The following HDAC9 variants were observed in gnomAD, a reference collection of about 807,000 sequenced individuals.
HDAC9 encodes histone deacetylase 9.
HDAC9 carries 41 observed loss-of-function variants against 139.4 expected under a neutral mutation model. The observed-to-expected ratio is 0.29, with a 90% CI of 0.23 to 0.38. The LOEUF (loss-of-function observed/expected upper bound fraction) is 0.38, where lower values mean the gene tolerates loss of function less well. Ranked by LOEUF, HDAC9 falls within the 10% of genes least tolerant of loss-of-function variation. The pLI is 1.00. For synonymous variants in HDAC9, 517 were observed against 476.2 expected (o/e 1.09, Z -1.12); for missense variants, 1,147 against 1,297.0 (o/e 0.88, Z 1.78).
At chr7:18,333,061 CTT>C (rs1781317587) in intron 1 of HDAC9, among the ~76,000 whole-genome samples, 1 of 151,452 alleles carries the variant, frequency 6.6e-6, no homozygotes, top group Non-Finnish European at 1.5e-5. Flanking sequence ...AAAAGATACT[CTT>C]TATACTGTAT....
chr7:18,115,930 T>G (rs1419256286), intron 1 of HDAC9, among the ~76,000 whole-genome samples: 1 of 152,244 alleles, frequency 6.6e-6, no homozygotes, highest in Non-Finnish European at 1.5e-5. Context: ...TGACACCATG[T>G]GGACCCTAAC....
At chr7:18,801,428 T>C (rs1793276831) in intron 17 of HDAC9, among the ~76,000 whole-genome samples, 1 of 152,086 alleles carries the variant, frequency 6.6e-6, no homozygotes. Context: ...TTTTGTATTC[T>C]TGAGATACAT....
At chr7:18,584,327 A>T (rs1348141224) in intron 2 of HDAC9, among the ~76,000 whole-genome samples, 1 of 151,502 alleles carries the variant, frequency 6.6e-6, no homozygotes, top group Admixed American at 6.6e-5. Context: ...AAGGGGTTTC[A>T]CCGTGTTGGC....
chr7:18,368,918 A>G (rs180802574), intron 1 of HDAC9, among the ~76,000 whole-genome samples: 2 of 152,194 alleles, frequency 1.3e-5, no homozygotes, highest in Admixed American at 1.3e-4. Context: ...ATCCTTATAA[A>G]TATCTAGATA....
intron 6 of HDAC9, among the ~76,000 whole-genome samples, chr7:18,620,532 A>G (rs899893373): frequency 1.3e-5 from 2 of 149,370 alleles, no homozygotes; most frequent in African/African-American, 2.5e-5. Context: ...TTTTTTTAAT[A>G]CTAGAACAAA....
At chr7:18,859,547 A>G (rs979829963) in intron 21 of HDAC9, among the ~76,000 whole-genome samples, 8 of 148,964 alleles carry the variant, frequency 5.4e-5, no homozygotes, top group African/African-American at 2.0e-4. Context: ...TTGCTACGCA[A>G]TTAAAAAAAA....
chr7:18,535,098 G>T (rs1810429588), intron 2 of HDAC9, among the ~76,000 whole-genome samples: 1 of 152,140 alleles, frequency 6.6e-6, no homozygotes, highest in African/African-American at 2.4e-5. Flanking sequence ...CAGTGGGGCT[G>T]TTAATCACTA....
At chr7:18,876,927 C>T (rs1212261374) in intron 22 of HDAC9, among the ~76,000 whole-genome samples, 1 of 152,010 alleles carries the variant, frequency 6.6e-6, no homozygotes, top group South Asian at 2.1e-4. Context: ...GTCTCGAACT[C>T]CTGACCTCAG....
chr7:18,284,050 C>T (rs1797276067), intron 2 of HDAC9, among the ~76,000 whole-genome samples: 1 of 152,054 alleles, frequency 6.6e-6, no homozygotes, highest in Non-Finnish European at 1.5e-5. Flanking sequence ...CATTCATTTC[C>T]TTAAGTGCTA....
chr7:18,364,526 A>C (rs546605317), intron 1 of HDAC9, among the ~76,000 whole-genome samples: 19 of 152,196 alleles, frequency 1.2e-4, no homozygotes, highest in African/African-American at 4.6e-4. Flanking sequence ...TCATTCGAAA[A>C]TAGAGAATTT....
chr7:18,652,358 C>T (rs1029661443), intron 11 of HDAC9, among the ~76,000 whole-genome samples: 3 of 151,934 alleles, frequency 2.0e-5, no homozygotes, highest in African/African-American at 7.3e-5. Flanking sequence ...TTCTCCTGGG[C>T]CCATTTCAAG....
At chr7:18,368,446 T>A (rs7793256) in intron 1 of HDAC9, among the ~76,000 whole-genome samples, 2 of 151,650 alleles carry the variant, frequency 1.3e-5, no homozygotes, top group African/African-American at 4.8e-5. Flanking sequence ...TCAAACATGC[T>A]GTTTCTGTTT....
intron 12 of HDAC9, among the ~76,000 whole-genome samples, chr7:18,719,176 T>C (rs1784935299): frequency 6.6e-6 from 1 of 152,164 alleles, no homozygotes; most frequent in Non-Finnish European, 1.5e-5. Flanking sequence ...TTAAGGATTC[T>C]TTCCATATTC....
upstream of HDAC9, among the ~76,000 whole-genome samples, chr7:18,493,700 C>T (rs142121878): frequency 9.6e-3 from 1,450 of 151,538 alleles, 14 homozygotes; most frequent in Middle Eastern, 0.031. Flanking sequence ...TCAAATTGTA[C>T]ACCTGAAATA....
chr7:18,486,985 G>T lies in HDAC9; in HGVS notation c.-41-9277G>T, dbSNP rs113013569. The stretch of plus-strand genomic sequence containing the variant: ...CTTTGCCAAGGAGATCATCTTTGGA[G>T]AGTGTTTTGGGGGATGAAAAGGATT... On this transcript the variant is annotated intron_variant, in intron 1 of 3. Coordinates refer to the HDAC9 transcript ENST00000413509. Among the ~76,000 whole-genome samples the T allele has an allele frequency of 2.0e-5, 3 of 152,194 alleles. No homozygotes were observed. The South Asian group carries it at 6.2e-4, about 32-fold the overall frequency.
In HDAC9 at chr7:18,743,710, T is replaced by A. The variant is rs548797393; in HGVS notation, c.1910-5295T>A. On this transcript the variant is annotated intron_variant, in intron 13 of 25. Transcript: ENST00000686413. ...AAACATAAAATAAAAAAATTAAAAT[T>A]AAAATTAAACAATTAAAAAATAAAT... 2.0e-5 allele frequency among the ~76,000 whole-genome samples: 3 copies of A among 151,258 alleles called. No homozygotes were observed. In the South Asian group the frequency reaches 6.3e-4, roughly 32 times the overall value.
At chr7:18,401,361 A>T (rs1787525228) in intron 1 of HDAC9, among the ~76,000 whole-genome samples, 1 of 152,120 alleles carries the variant, frequency 6.6e-6, no homozygotes, top group African/African-American at 2.4e-5. Context: ...TGTTTGCCTC[A>T]TTTGAAGATG....
rs1786527834 is a variant in HDAC9, at chr7:18,997,350, G to C, written c.*1288G>C. 6.6e-6 allele frequency: 1 copy of C among 150,458 alleles called. No individual in the cohort carries two copies. Among genetic ancestry groups the C allele is most frequent in the South Asian group, 2.1e-4 (1 of 4,776 alleles). 9.3% of individuals were successfully genotyped at this position (150,458 alleles called of 1,614,324 possible). A position where few individuals can be genotyped will look rare whatever the true frequency, so the allele number is the denominator to read the frequency against. On this transcript the variant is annotated 3_prime_UTR_variant, in exon 26 of 26. Transcript: ENST00000686413. ...AACAGCCTTTAAACAAGTTTCCTTAGTGTCAAAAGTTAAAAATAAAGGACA... is the reference window on the plus strand; with the variant it reads ...AACAGCCTTTAAACAAGTTTCCTTACTGTCAAAAGTTAAAAATAAAGGACA...
intron 1 of HDAC9, among the ~76,000 whole-genome samples, chr7:18,116,639 A>G (rs370779631): frequency 6.6e-6 from 1 of 152,034 alleles, no homozygotes; most frequent in Non-Finnish European, 1.5e-5. Flanking sequence ...AAATAATAAA[A>G]ATTTATTTTT....
Sources: gnomAD v4.1 joint callset for allele counts (sites outside exome capture counted in the v4.1 genomes callset) on GRCh38, gnomAD v4.1.1 for gene constraint, MANE v1.5 for transcripts, NCBI Gene and HGNC (gene_info 2026-07-23, HGNC 2026-07-21) for gene names.